The following MACROD2 variants were observed in gnomAD, a reference collection of about 807,000 sequenced individuals.
The protein encoded by MACROD2 is ADP-ribose glycohydrolase MACROD2.
In MACROD2, 36 loss-of-function variants were observed where a neutral mutation model predicts 70.4. The ratio of observed to expected loss-of-function variants is 0.51; its 90% CI spans 0.39 to 0.68. MACROD2 has a LOEUF of 0.68. MACROD2 is among the 30% of genes least tolerant of loss of function. MACROD2 has a pLI of 0.00. For synonymous variants in MACROD2, 172 were observed against 178.8 expected, an observed-to-expected ratio of 0.96 and a Z score of 0.30; for missense variants, 496 against 538.4, an observed-to-expected ratio of 0.92 and a Z score of 0.78.
rs2076133096 is a variant in MACROD2 at position 15,134,721 on chromosome 20, G to A, written c.419-95219G>A. On this transcript the variant is annotated intron_variant, in intron 5 of 17. Transcript: ENST00000684519. ...AAGGCAAGAAATAACTAAAATCAGA[G>A]CAGAACTGAAGGAAATAGAGACACA... Among the ~76,000 whole-genome samples the A allele has an allele frequency of 3.3e-5, 5 of 152,096 alleles. No individual in the cohort carries two copies. In the South Asian group the frequency reaches 1.0e-3, roughly 32 times the overall value.
At chr20:15,889,037 A>G (rs1208787973) in intron 10 of MACROD2, among the ~76,000 whole-genome samples, 1 of 152,194 alleles carries the variant, frequency 6.6e-6, no homozygotes, top group Non-Finnish European at 1.5e-5. Context: ...GAGTGAATCA[A>G]CTGGCCAAGA....
intron 3 of MACROD2, among the ~76,000 whole-genome samples, chr20:14,101,812 C>T (rs1275369328): frequency 6.6e-6 from 1 of 151,210 alleles, no homozygotes; most frequent in African/African-American, 2.4e-5. Context: ...ACAGCTGCTT[C>T]GGCATTTATT....
chr20:15,455,021 T>A (rs1448877169), intron 7 of MACROD2, among the ~76,000 whole-genome samples: 1 of 152,156 alleles, frequency 6.6e-6, no homozygotes, highest in Non-Finnish European at 1.5e-5. Flanking sequence ...TGAGGAAAGC[T>A]GGCTTATGGT....
At chr20:14,255,651 A>G (rs1055775268) in intron 3 of MACROD2, among the ~76,000 whole-genome samples, 7 of 151,680 alleles carry the variant, frequency 4.6e-5, no homozygotes, top group Non-Finnish European at 1.0e-4. Flanking sequence ...TAACCTGCAC[A>G]TTGTGCACAT....
At chr20:15,988,977 G>T (rs549448064) in intron 15 of MACROD2, among the ~76,000 whole-genome samples, 7 of 152,282 alleles carry the variant, frequency 4.6e-5, no homozygotes, top group Non-Finnish European at 7.4e-5. Flanking sequence ...CTCCACCATT[G>T]ACAAGCTGGG....
At chr20:15,505,758 C>T in intron 8 of MACROD2, among the ~76,000 whole-genome samples, 1 of 152,130 alleles carries the variant, frequency 6.6e-6, no homozygotes, top group East Asian at 1.9e-4. Context: ...AAATCACTGG[C>T]AAGGAAAAAC....
At chr20:15,325,946 A>C (rs948270721) in intron 6 of MACROD2, among the ~76,000 whole-genome samples, 2 of 152,120 alleles carry the variant, frequency 1.3e-5, no homozygotes, top group African/African-American at 4.8e-5. Context: ...TGACATTTTT[A>C]TATCCATCAC....
intron 3 of MACROD2, among the ~76,000 whole-genome samples, chr20:14,215,337 TAC>T (rs199684417): frequency 0.022 from 2,908 of 131,056 alleles, 34 homozygotes; most frequent in African/African-American, 0.024. Context: ...CCATCATATA[TAC>T]ACACACACAC....
intron 6 of MACROD2, among the ~76,000 whole-genome samples, chr20:15,315,319 A>T (rs181960895): frequency 2.6e-5 from 4 of 152,216 alleles, no homozygotes; most frequent in African/African-American, 9.6e-5. Flanking sequence ...ATTTGGTAAG[A>T]TGTAAAAATC....
chr20:15,021,206 A>G (rs1282341461), intron 5 of MACROD2, among the ~76,000 whole-genome samples: 7 of 98,708 alleles, frequency 7.1e-5, no homozygotes, highest in African/African-American at 9.0e-5. Flanking sequence ...ACCTGTGTGT[A>G]TGTATACACA....
At chr20:14,743,353 T>G (rs1322735931) in intron 5 of MACROD2, among the ~76,000 whole-genome samples, 2 of 152,076 alleles carry the variant, frequency 1.3e-5, no homozygotes, top group Non-Finnish European at 2.9e-5. Context: ...TATCCTAGAT[T>G]ATTTGGGTGC....
At chr20:14,557,587 A>G (rs755516196) in intron 4 of MACROD2, among the ~76,000 whole-genome samples, 58 of 151,950 alleles carry the variant, frequency 3.8e-4, no homozygotes, top group Non-Finnish European at 6.2e-4. Context: ...ATTTCTCCAT[A>G]TAAGTTATTC....
intron 8 of MACROD2, among the ~76,000 whole-genome samples, chr20:15,691,062 G>A (rs1271242987): frequency 6.6e-6 from 1 of 152,140 alleles, no homozygotes; most frequent in Admixed American, 6.5e-5. Context: ...TAGTGAGTGG[G>A]ATTGACAGAG....
chr20:15,981,318 C>T (rs897912191), intron 13 of MACROD2, among the ~76,000 whole-genome samples: 10 of 152,008 alleles, frequency 6.6e-5, no homozygotes, highest in East Asian at 3.9e-4. Context: ...CTGTTTTTTG[C>T]GGTATCGTTA....
chr20:14,978,519 C>T (rs1455054915), intron 5 of MACROD2, among the ~76,000 whole-genome samples: 1 of 151,836 alleles, frequency 6.6e-6, no homozygotes, highest in East Asian at 1.9e-4. Flanking sequence ...TCCCAGTTTG[C>T]CATTATCAGT....
intron 8 of MACROD2, among the ~76,000 whole-genome samples, chr20:15,551,145 T>G (rs1432127340): frequency 6.6e-6 from 1 of 152,130 alleles, no homozygotes; most frequent in Non-Finnish European, 1.5e-5. Flanking sequence ...GCTGCTCCAT[T>G]TATAGGCTTT....
intron 17 of MACROD2, 82 bp downstream of exon 17, chr20:16,044,721 G>A (rs930935029): frequency 1.5e-6 from 2 of 1,340,634 alleles, no homozygotes; most frequent in Admixed American, 1.7e-5. Flanking sequence ...GATTTCCCTT[G>A]GTTTTGCCAA....
chr20:14,502,027 T>A lies in MACROD2; in HGVS notation c.301+8519T>A, dbSNP rs560581161. ...TTTTTAAAACTATAAAAAAGAGAAG[T>A]TTATTGAGTTCCCGATTTAAATATC... is the stretch of plus-strand genomic sequence containing the variant. On this transcript the variant is annotated intron_variant, in intron 4 of 17. Coordinates refer to ENST00000684519, the MANE Select transcript of MACROD2 (RefSeq NM_001351661.2). Among the ~76,000 whole-genome samples, 352 of 152,276 alleles carry A rather than the reference T, an allele frequency of 2.3e-3. 1 individual carries two copies. Among genetic ancestry groups the A allele is most frequent in the Non-Finnish European group, 3.0e-3 (207 of 68,020 alleles).
chr20:14,136,327 G>C (rs536055274), intron 3 of MACROD2, among the ~76,000 whole-genome samples: 2 of 152,214 alleles, frequency 1.3e-5, no homozygotes, highest in African/African-American at 4.8e-5. Flanking sequence ...GAGTTAGCCG[G>C]GGGCAGTGGT....
Sources: allele counts gnomAD v4.1 joint callset (sites outside exome capture counted in the v4.1 genomes callset), GRCh38; gene constraint gnomAD v4.1.1; transcripts MANE v1.5; gene names NCBI Gene and HGNC (gene_info 2026-07-23, HGNC 2026-07-21).